PLP1: variants seen among roughly 807,000 people sequenced by gnomAD.
PLP1 encodes proteolipid protein 1.
PLP1 carries 2 observed loss-of-function variants against 18.5 expected under a neutral mutation model. The ratio of observed to expected loss-of-function variants is 0.11; its 90% CI spans 0.04 to 0.34. PLP1 has a LOEUF of 0.34. PLP1 is among the 10% of genes least tolerant of loss of function. The pLI is 1.00. For missense variants in PLP1, 105 were observed against 207.3 expected, an observed-to-expected ratio of 0.51 and a Z score of 3.03; for synonymous variants, 86 against 83.2, an observed-to-expected ratio of 1.03 and a Z score of -0.19.
At chrX:103,786,257 C>A (rs898891644) in intron 2 of PLP1, 23 of 1,121,192 alleles carry the variant, frequency 2.1e-5, no homozygotes, top group Non-Finnish European at 2.7e-5. Flanking sequence ...GCGGGAGGGG[C>A]ATATGTTTCT....
Position 103,792,416 on chromosome X carries a change from A to G in PLP1, c.*1818A>G, listed in dbSNP as rs1270934680. On this transcript the variant is annotated 3_prime_UTR_variant, in exon 7 of 7. Transcript: ENST00000621218. ...TTTTGATTTAATAACATAACAAATA[A>G]CCAACCCTTCCCTGAAAACCTCACA... 8.9e-6 allele frequency: 1 copy of G among 112,535 alleles called. No individual in the cohort carries two copies. Among genetic ancestry groups the G allele is most frequent in the Admixed American group, 9.4e-5 (1 of 10,593 alleles). 9.3% of individuals were successfully genotyped at this position (112,535 alleles called of 1,213,427 possible). A position where few individuals can be genotyped will look rare whatever the true frequency, so the allele number is the denominator to read the frequency against.
chrX:103,779,861 T>A (rs2074438278), intron 1 of PLP1: 1 of 112,249 alleles, frequency 8.9e-6, no homozygotes, highest in African/African-American at 3.2e-5. Context: ...TTGAAAGCCA[T>A]CCCCTGGGTA....
At chrX:103,788,076 G>A in intron 4 of PLP1, 110 bp downstream of exon 4, 3 of 622,297 alleles carry the variant, frequency 4.8e-6, no homozygotes, top group South Asian at 4.6e-5. Flanking sequence ...AATATAAGAT[G>A]ATGAATGATT....
At chrX:103,784,762 GT>G (rs2074480708) in intron 1 of PLP1, among the ~76,000 whole-genome samples, 1 of 112,257 alleles carries the variant, frequency 8.9e-6, no homozygotes, top group Middle Eastern at 4.2e-3. Flanking sequence ...TGCCTGAATT[GT>G]TAGTTGAAAA....
chrX:103,777,428 AC>A (rs752946912), intron 1 of PLP1, among the ~76,000 whole-genome samples: 14 of 111,904 alleles, frequency 1.3e-4, no homozygotes, highest in African/African-American at 4.5e-4. Flanking sequence ...CAAACTTTGA[AC>A]CATGTTTGGC....
At chrX:103,777,056 G>T (rs2074416603) in intron 1 of PLP1, 57 bp downstream of exon 1, 6 of 1,079,437 alleles carry the variant, frequency 5.6e-6, no homozygotes, top group Non-Finnish European at 6.4e-6. Flanking sequence ...ATTCACAAGA[G>T]AATTTCCAAC....
At position 103,790,604 on chromosome X, in the gene PLP1, C is replaced by T. The variant is rs367845254; in HGVS notation, c.*6C>T. ...GCCGAGGCACCAAGTTCTGATCCCC[C>T]GTAGAAATCCCCCTTTCTCTAATAG... On this transcript the variant is annotated 3_prime_UTR_variant, in exon 7 of 7. Coordinates refer to ENST00000621218, the MANE Select transcript of PLP1 (RefSeq NM_000533.5). 80 of 1,173,440 alleles carry T rather than the reference C, an allele frequency of 6.8e-5. No homozygotes were observed. Among genetic ancestry groups the T allele is most frequent in the East Asian group, 2.1e-4 (7 of 33,634 alleles).
At chrX:103,780,252 G>T (rs2074441435) in intron 1 of PLP1, 1 of 112,548 alleles carries the variant, frequency 8.9e-6, no homozygotes, top group Admixed American at 9.4e-5. Flanking sequence ...AATGGTGGGA[G>T]ACTGACCTGA....
In PLP1 at chrX:103,791,904, A is replaced by G. The variant is rs1041152883; in HGVS notation, c.*1306A>G. On this transcript the variant is annotated 3_prime_UTR_variant, in exon 7 of 7. Transcript: ENST00000621218. The stretch of plus-strand genomic sequence containing the variant: ...GTAATCTGATCGTTCTTTCTAGCTA[A>G]TGGAAAATGATTTTACTTAGCAATG... 29 of 112,489 alleles carry G rather than the reference A, an allele frequency of 2.6e-4. No individual in the cohort carries two copies. The highest frequency in any genetic ancestry group is 9.0e-4 in the African/African-American group (28 of 30,981). The allele number at this position is 112,489 out of a possible 1,213,427, so 9.3% of individuals were successfully genotyped here.
chrX:103,785,570 C>T lies in PLP1; in HGVS notation c.5-12C>T. ...TGGATGTGCCTGACTGTTTCCCCTT[C>T]TTCTTCCCCAGGCTTGTTAGAGTGC... On this transcript the variant is annotated splice_polypyrimidine_tract_variant and intron_variant, in intron 1 of 6. Transcript: ENST00000621218. 8.3e-7 allele frequency: 1 copy of T among 1,205,653 alleles called. No individual in the cohort carries two copies. The highest frequency in any genetic ancestry group is 2.2e-5 in the Admixed American group (1 of 45,998).
chrX:103,787,605 A>G, intron 3 of PLP1, 193 bp from the exon 4 acceptor site: 1 of 469,420 alleles, frequency 2.1e-6, no homozygotes, highest in Non-Finnish European at 3.8e-6. Flanking sequence ...CCTCCGTTAT[A>G]CTGGGGCCAG....
chrX:103,779,318 GC>G (rs2074433935), intron 1 of PLP1, among the ~76,000 whole-genome samples: 1 of 112,463 alleles, frequency 8.9e-6, no homozygotes, highest in East Asian at 2.8e-4. Context: ...TCCAAAAGTG[GC>G]TGTTTGCCAA....
At chrX:103,783,742 T>G (rs1449089589) in intron 1 of PLP1, among the ~76,000 whole-genome samples, 2 of 111,772 alleles carry the variant, frequency 1.8e-5, no homozygotes, top group African/African-American at 6.5e-5. Context: ...TGGTACCCTA[T>G]AGAAAAGTGA....
chrX:103,780,468 T>TGTGTGTGC (rs780722962), intron 1 of PLP1, among the ~76,000 whole-genome samples: 52 of 109,647 alleles, frequency 4.7e-4, no homozygotes, highest in East Asian at 8.6e-4. Context: ...TGTGTGTGTG[T>TGTGTGTGC]GCGCGTCTGA....
chrX:103,778,445 G>C (rs1164659676), intron 1 of PLP1, among the ~76,000 whole-genome samples: 2 of 111,893 alleles, frequency 1.8e-5, no homozygotes, highest in Non-Finnish European at 3.8e-5. Context: ...CCTGCCCTGG[G>C]TAACATCAGG....
intron 1 of PLP1, among the ~76,000 whole-genome samples, chrX:103,777,590 A>G (rs1358786972): frequency 1.8e-5 from 2 of 111,945 alleles, no homozygotes; most frequent in East Asian, 5.6e-4. Context: ...GTATGTGCAT[A>G]TGTGCATGTG....
At chrX:103,786,403 A>G (rs1411371619) in intron 2 of PLP1, 62 bp from the exon 3 acceptor site, 3 of 1,157,203 alleles carry the variant, frequency 2.6e-6, no homozygotes, top group Non-Finnish European at 3.5e-6. Context: ...TTATGTCGGG[A>G]AAGAAGCCAG....
intron 1 of PLP1, among the ~76,000 whole-genome samples, chrX:103,784,596 C>G (rs969511123): frequency 7.1e-5 from 8 of 112,035 alleles, no homozygotes; most frequent in Non-Finnish European, 1.3e-4. Flanking sequence ...ACACACGATG[C>G]TCAAAAATGT....
At chrX:103,787,688 T>C (rs1015389395) in intron 3 of PLP1, 110 bp from the exon 4 acceptor site, 5 of 661,442 alleles carry the variant, frequency 7.6e-6, no homozygotes, top group Non-Finnish European at 1.3e-5. Flanking sequence ...AGGAGAGCCC[T>C]GGAACCTGGT....
Sources: allele counts gnomAD v4.1 joint callset (sites outside exome capture counted in the v4.1 genomes callset), GRCh38; gene constraint gnomAD v4.1.1; transcripts MANE v1.5; gene names NCBI Gene and HGNC (gene_info 2026-07-23, HGNC 2026-07-21).